The following FRAS1 variants were observed in gnomAD, a reference collection of about 807,000 sequenced individuals.
FRAS1 encodes the protein extracellular matrix organizing protein FRAS1.
A neutral mutation model predicts 435.2 loss-of-function variants in FRAS1; 290 were observed. The observed-to-expected ratio is 0.67, with a 90% CI of 0.61 to 0.73. The LOEUF is 0.73. Among genes scored for constraint, FRAS1 ranks in the 30% least tolerant of loss-of-function variants. The pLI is 0.00. For missense variants in FRAS1, 4,860 were observed against 5,001.5 expected (o/e 0.97, Z 0.85); for synonymous variants, 1,800 against 1,851.0 (o/e 0.97, Z 0.71).
chr4:78,237,681 T>A, intron 3 of FRAS1, 64 bp downstream of exon 3: 3 of 819,438 alleles, frequency 3.7e-6, no homozygotes, highest in Non-Finnish European at 5.6e-6. Flanking sequence ...GGTTTTTGGA[T>A]CATTTCAGAC....
chr4:78,515,630 C>G (rs1157069338), intron 65 of FRAS1, among the ~76,000 whole-genome samples, 169 bp from the exon 66 acceptor site: 1 of 152,174 alleles, frequency 6.6e-6, no homozygotes, highest in Non-Finnish European at 1.5e-5. Context: ...AAGCGCTTTC[C>G]AAGATCCCTC....
chr4:78,543,521 G>A lies in FRAS1; in HGVS notation c.*2397G>A, dbSNP rs1722119825. On this transcript the variant is annotated 3_prime_UTR_variant, in exon 74 of 74. Coordinates refer to ENST00000512123, the MANE Select transcript of FRAS1 (RefSeq NM_025074.7). ...CACGTACAAGGTCTGAAATGACAAG[G>A]GCAAGAGTGAGATAGGAAACTGTGT... 6.6e-6 allele frequency: 1 copy of A among 152,150 alleles called. No homozygotes were observed. The highest frequency in any genetic ancestry group is 1.5e-5 in the Non-Finnish European group (1 of 68,036). 9.4% of individuals were successfully genotyped at this position (152,150 alleles called of 1,614,324 possible).
intron 20 of FRAS1, among the ~76,000 whole-genome samples, chr4:78,354,724 A>G (rs532257307): frequency 6.6e-6 from 1 of 152,364 alleles, no homozygotes; most frequent in South Asian, 2.1e-4. Context: ...CTGACAGGAC[A>G]TTATTAAAAA....
chr4:78,116,389 A>G (rs1743177856), intron 2 of FRAS1, among the ~76,000 whole-genome samples: 1 of 152,132 alleles, frequency 6.6e-6, no homozygotes, highest in East Asian at 1.9e-4. Context: ...TATCCTTGTT[A>G]ACTTTCTGTC....
intron 2 of FRAS1, among the ~76,000 whole-genome samples, chr4:78,199,525 C>T (rs1722960039): frequency 1.3e-5 from 2 of 152,102 alleles, no homozygotes; most frequent in African/African-American, 4.8e-5. Flanking sequence ...AGCAATTTTT[C>T]CAAATTAGTA....
chr4:78,074,845 T>C (rs367898617), intron 2 of FRAS1, among the ~76,000 whole-genome samples: 1 of 152,196 alleles, frequency 6.6e-6, no homozygotes, highest in African/African-American at 2.4e-5. Context: ...CATCCTTTTA[T>C]CTTTTAACCG....
chr4:78,134,172 C>G (rs898974015), intron 2 of FRAS1, among the ~76,000 whole-genome samples: 3 of 151,926 alleles, frequency 2.0e-5, no homozygotes, highest in African/African-American at 7.3e-5. Flanking sequence ...GGGCTATTAA[C>G]AGTAGTATAC....
At chr4:78,330,276 C>T in intron 18 of FRAS1, among the ~76,000 whole-genome samples, 1 of 152,182 alleles carries the variant, frequency 6.6e-6, no homozygotes, top group Non-Finnish European at 1.5e-5. Context: ...CTATGCCTGT[C>T]TTTACTTTAA....
intron 2 of FRAS1, among the ~76,000 whole-genome samples, chr4:78,170,847 T>A (rs1721519575): frequency 6.6e-6 from 1 of 152,010 alleles, no homozygotes; most frequent in Admixed American, 6.5e-5. Flanking sequence ...TCACACTGCA[T>A]CCTCAGGTGA....
At chr4:78,397,512 G>A (rs1467046294) in intron 29 of FRAS1, among the ~76,000 whole-genome samples, 1 of 152,140 alleles carries the variant, frequency 6.6e-6, no homozygotes, top group Non-Finnish European at 1.5e-5. Context: ...GGGAGTGTGG[G>A]GTGCTGGCTA....
At chr4:78,211,505 G>A (rs1723502208) in intron 2 of FRAS1, among the ~76,000 whole-genome samples, 1 of 152,144 alleles carries the variant, frequency 6.6e-6, no homozygotes, top group Non-Finnish European at 1.5e-5. Flanking sequence ...GAAGGCATGG[G>A]GAAAGCCATG....
At chr4:78,380,923 A>G (rs757618440) in intron 27 of FRAS1, among the ~76,000 whole-genome samples, 15 of 152,238 alleles carry the variant, frequency 9.9e-5, no homozygotes, top group Non-Finnish European at 1.8e-4. Context: ...AGGAATAAGA[A>G]CAACTAGCAT....
rs184306109 is a variant in FRAS1 at position 78,236,562 on chromosome 4, A to G, written c.109-948A>G. On this transcript the variant is annotated intron_variant, in intron 2 of 73. Coordinates refer to ENST00000512123, the MANE Select transcript of FRAS1 (RefSeq NM_025074.7). Reference sequence around the variant, plus strand: ...AATTTGGGCTAGGAAATCTCTGGGAAAATGAATCTCAGTACAGCCCATGGG... The same window carrying G: ...AATTTGGGCTAGGAAATCTCTGGGAGAATGAATCTCAGTACAGCCCATGGG... Among the ~76,000 whole-genome samples, 4 of 152,328 alleles carry G rather than the reference A, an allele frequency of 2.6e-5. No homozygotes were observed. The East Asian group carries it at 7.7e-4, about 29-fold the overall frequency.
chr4:78,520,598 AAT>A (rs1460845882), intron 67 of FRAS1, among the ~76,000 whole-genome samples: 1 of 151,394 alleles, frequency 6.6e-6, no homozygotes, highest in Non-Finnish European at 1.5e-5. Context: ...TTATGCTTTA[AAT>A]CATCTCTAGA....
At chr4:78,396,415 G>T (rs1202453169) in intron 29 of FRAS1, among the ~76,000 whole-genome samples, 1 of 152,168 alleles carries the variant, frequency 6.6e-6, no homozygotes, top group Non-Finnish European at 1.5e-5. Context: ...TTGTAAGACA[G>T]GACTTTAGTG....
chr4:78,429,694 G>A (rs890670372), intron 36 of FRAS1, among the ~76,000 whole-genome samples: 1 of 152,170 alleles, frequency 6.6e-6, no homozygotes, highest in Non-Finnish European at 1.5e-5. Context: ...CTTTAGAAAT[G>A]TATTCTTTTA....
Position 78,366,205 on chromosome 4 carries a change from CA to C in FRAS1, c.2722+2152del, listed in dbSNP as rs564851933. ...TAACTGAATTAAAAAATCTAAGGGTCACCAGTTGAGGTAGGAACTTTAAAAA... is the reference window on the plus strand; with the variant it reads ...TAACTGAATTAAAAAATCTAAGGGTCCCAGTTGAGGTAGGAACTTTAAAAA... On this transcript the variant is annotated intron_variant, in intron 22 of 73. Coordinates refer to ENST00000512123, the MANE Select transcript of FRAS1 (RefSeq NM_025074.7). 3.3e-3 allele frequency among the ~76,000 whole-genome samples: 501 copies of C among 152,224 alleles called. 5 individuals carry two copies. The highest frequency in any genetic ancestry group is 0.012 in the African/African-American group (486 of 41,522).
intron 2 of FRAS1, among the ~76,000 whole-genome samples, chr4:78,167,856 G>T (rs17003007): frequency 6.6e-6 from 1 of 152,024 alleles, no homozygotes; most frequent in South Asian, 2.1e-4. Context: ...GCAGATCTGG[G>T]TGGACATTTG....
intron 49 of FRAS1, 134 bp from the exon 50 acceptor site, chr4:78,466,074 T>C: frequency 1.5e-6 from 1 of 656,164 alleles, no homozygotes; most frequent in East Asian, 2.7e-5. Context: ...CTTTGGTGTC[T>C]ATAAAGAAAA....
Sources: allele counts gnomAD v4.1 joint callset (sites outside exome capture counted in the v4.1 genomes callset), GRCh38; gene constraint gnomAD v4.1.1; transcripts MANE v1.5; gene names NCBI Gene and HGNC (gene_info 2026-07-23, HGNC 2026-07-21).